Variants in RRAS2 observed in about 807,000 individuals in gnomAD.
The protein encoded by RRAS2 is RAS related 2, also known as ras-related protein R-Ras2.
A neutral mutation model predicts 27.6 loss-of-function variants in RRAS2; 7 were observed. The observed-to-expected ratio is 0.25, with a 90% CI of 0.14 to 0.48. The LOEUF is 0.48. RRAS2 is among the 20% of genes least tolerant of loss of function. The probability of loss-of-function intolerance (pLI) is 0.99; values close to 1 mark genes in which losing one functional copy is unlikely to be tolerated. For synonymous variants in RRAS2, 86 were observed against 90.9 expected (o/e 0.95, Z 0.31); for missense variants, 178 against 256.2 (o/e 0.69, Z 2.08).
intron 1 of RRAS2, among the ~76,000 whole-genome samples, chr11:14,302,959 T>C (rs1169544443): frequency 6.6e-6 from 1 of 152,162 alleles, no homozygotes; most frequent in African/African-American, 2.4e-5. Flanking sequence ...CACACCAACT[T>C]TGCAGGATTG....
intron 1 of RRAS2, chr11:14,337,230 T>C (rs1415957308): frequency 2.0e-5 from 3 of 152,244 alleles, no homozygotes; most frequent in African/African-American, 7.2e-5. Flanking sequence ...TGATGAAATC[T>C]CACACCATCT....
intron 1 of RRAS2, among the ~76,000 whole-genome samples, chr11:14,327,702 C>A (rs576584053): frequency 6.6e-6 from 1 of 152,190 alleles, no homozygotes; most frequent in East Asian, 1.9e-4. Context: ...CCTATTTAGC[C>A]AGACTCTAAA....
rs1554946524 is a variant in RRAS2 at position 14,295,865 on chromosome 11, A to G, written c.109-10T>C. On this transcript the variant is annotated splice_polypyrimidine_tract_variant and intron_variant, in intron 1 of 5. Coordinates refer to ENST00000256196, the MANE Select transcript of RRAS2 (RefSeq NM_012250.6). ...CCGTTACAAAATAGGACTGCAAGAA[A>G]AGAAAAAACTTTATTTTAAAATTCA... is the stretch of plus-strand genomic sequence containing the variant. 6.2e-7 allele frequency: 1 copy of G among 1,611,282 alleles called. No homozygotes were observed. Among genetic ancestry groups the G allele is most frequent in the Admixed American group, 1.7e-5 (1 of 60,002 alleles).
At chr11:14,313,591 T>A (rs782033621) in intron 1 of RRAS2, among the ~76,000 whole-genome samples, 2 of 152,270 alleles carry the variant, frequency 1.3e-5, no homozygotes, top group Middle Eastern at 3.4e-3. Flanking sequence ...CCAACCACTG[T>A]TGTCCTTATA....
At chr11:14,302,840 T>C (rs1847748982) in intron 1 of RRAS2, among the ~76,000 whole-genome samples, 1 of 152,198 alleles carries the variant, frequency 6.6e-6, no homozygotes, top group Non-Finnish European at 1.5e-5. Flanking sequence ...GTCTGAGATG[T>C]AAGTCAAATA....
At chr11:14,312,952 T>G (rs1947946384) in intron 1 of RRAS2, among the ~76,000 whole-genome samples, 1 of 152,226 alleles carries the variant, frequency 6.6e-6, no homozygotes, top group Admixed American at 6.5e-5. Context: ...AGCACTTCTC[T>G]GAAAGTGGCT....
intron 4 of RRAS2, among the ~76,000 whole-genome samples, chr11:14,286,235 A>G (rs984471039): frequency 2.6e-5 from 4 of 152,028 alleles, no homozygotes; most frequent in Non-Finnish European, 5.9e-5. Context: ...TGTGGGTCAT[A>G]TTTTCTTGCT....
chr11:14,320,528 T>C (rs998982872), intron 1 of RRAS2, among the ~76,000 whole-genome samples: 2 of 152,220 alleles, frequency 1.3e-5, no homozygotes, highest in African/African-American at 2.4e-5. Flanking sequence ...ATAAAAGCAG[T>C]AGACAGTTTT....
Position 14,358,091 on chromosome 11 carries a change from G to T in RRAS2, c.108+672C>A. 1 of 442,160 alleles carries T rather than the reference G, an allele frequency of 2.3e-6. No homozygotes were observed. The highest frequency in any genetic ancestry group is 3.0e-6 in the Non-Finnish European group (1 of 333,356). 27.4% of individuals were successfully genotyped at this position (442,160 alleles called of 1,614,324 possible). The stretch of plus-strand genomic sequence containing the variant: ...CCTAGGCACGGCGAGAAGCAGGACG[G>T]CATCAGGAATTCCTAGGAAATGGTC... On this transcript the variant is annotated intron_variant, in intron 1 of 5. Transcript: ENST00000256196. The surrounding 1 kb of genome is among the most constrained non-coding windows in gnomAD (Gnocchi z 5.1).
intron 1 of RRAS2, among the ~76,000 whole-genome samples, chr11:14,317,814 T>A (rs960663614): frequency 6.6e-6 from 1 of 152,122 alleles, no homozygotes; most frequent in Admixed American, 6.5e-5. Context: ...ACCTGTAATC[T>A]CAGCAAGTCA....
intron 4 of RRAS2, among the ~76,000 whole-genome samples, chr11:14,291,214 T>C (rs781136255): frequency 1.3e-5 from 2 of 151,990 alleles, no homozygotes; most frequent in Non-Finnish European, 2.9e-5. Flanking sequence ...GTGTTACAGG[T>C]TGAAGAAAAT....
chr11:14,341,609 A>C (rs1848708013), intron 1 of RRAS2, among the ~76,000 whole-genome samples: 1 of 152,188 alleles, frequency 6.6e-6, no homozygotes, highest in African/African-American at 2.4e-5. Context: ...ATAAAAATAA[A>C]AATAGTTTCC....
chr11:14,345,041 G>A (rs1194325015), intron 1 of RRAS2, among the ~76,000 whole-genome samples: 5 of 144,150 alleles, frequency 3.5e-5, no homozygotes, highest in East Asian at 2.0e-4. Flanking sequence ...AGACTGGAGT[G>A]CAGTGGTGTG....
chr11:14,356,425 C>T (rs1301076567), intron 1 of RRAS2, among the ~76,000 whole-genome samples: 1 of 152,202 alleles, frequency 6.6e-6, no homozygotes, highest in East Asian at 1.9e-4. Context: ...GAACTGTAGG[C>T]ATAAACACTG....
At chr11:14,334,912 A>G (rs1848560533) in intron 1 of RRAS2, among the ~76,000 whole-genome samples, 2 of 151,738 alleles carry the variant, frequency 1.3e-5, no homozygotes, top group South Asian at 4.2e-4. Flanking sequence ...CCTAGCCCCA[A>G]CCTCTGCTCT....
intron 1 of RRAS2, among the ~76,000 whole-genome samples, chr11:14,336,429 A>G (rs1848590907): frequency 6.6e-6 from 1 of 152,240 alleles, no homozygotes; most frequent in East Asian, 1.9e-4. Flanking sequence ...CAAAGATGTC[A>G]GAATTATCTG....
intron 1 of RRAS2, chr11:14,356,883 G>A: frequency 2.6e-6 from 1 of 389,704 alleles, no homozygotes; most frequent in Non-Finnish European, 4.9e-6. Flanking sequence ...CGCCTCCCGG[G>A]TTCAAGCGAT....
intron 1 of RRAS2, among the ~76,000 whole-genome samples, chr11:14,343,586 G>A (rs1490279956): frequency 6.6e-6 from 1 of 152,194 alleles, no homozygotes; most frequent in Non-Finnish European, 1.5e-5. Context: ...CACTTTGGGA[G>A]GCCAAGGCAC....
At chr11:14,295,958 A>G (rs1847536502) in intron 1 of RRAS2, 103 bp from the exon 2 acceptor site, 2 of 987,466 alleles carry the variant, frequency 2.0e-6, no homozygotes, top group East Asian at 5.1e-5. Context: ...GGATCACTTG[A>G]GGCCAGGAGT....
Sources: allele counts gnomAD v4.1 joint callset (sites outside exome capture counted in the v4.1 genomes callset), GRCh38; gene constraint gnomAD v4.1.1; non-coding constraint Gnocchi (gnomAD v3.1); transcripts MANE v1.5; gene names NCBI Gene and HGNC (gene_info 2026-07-23, HGNC 2026-07-21).